LRRFIP2: variants seen among roughly 807,000 people sequenced by gnomAD.
LRRFIP2 encodes the protein leucine-rich repeat flightless-interacting protein 2.
In LRRFIP2, 109 loss-of-function variants were observed where a neutral mutation model predicts 125.9. The ratio of observed to expected loss-of-function variants is 0.87; its 90% confidence interval spans 0.74 to 1.01. LRRFIP2 has a LOEUF of 1.01. Among genes scored for constraint, LRRFIP2 ranks in the 50% least tolerant of loss-of-function variants. The pLI, the probability that LRRFIP2 is intolerant of heterozygous loss-of-function variation, is 0.00. For missense variants in LRRFIP2, 850 were observed against 862.3 expected (o/e 0.99, Z 0.18); for synonymous variants, 291 against 293.1 (o/e 0.99, Z 0.07).
intron 2 of LRRFIP2, among the ~76,000 whole-genome samples, chr3:37,129,726 C>T (rs891099968): frequency 6.6e-6 from 1 of 152,202 alleles, no homozygotes; most frequent in African/African-American, 2.4e-5. Flanking sequence ...GATGCAGTGG[C>T]TCAGGCCTGT....
Position 37,053,743 on chromosome 3 carries a change from A to C in LRRFIP2, c.*108T>G. ...TATAAAATACAAAGGTGGCTGTTTT[A>C]ATGACAAAACTCAAAACAGTACTAA... On this transcript the variant is annotated 3_prime_UTR_variant, in exon 28 of 28. Coordinates refer to ENST00000336686, the MANE Select transcript of LRRFIP2 (RefSeq NM_006309.4). The C allele has an allele frequency of 1.5e-6, 1 of 689,002 alleles. No individual in the cohort carries two copies. The highest frequency in any genetic ancestry group is 2.6e-6 in the Non-Finnish European group (1 of 381,518). The allele number at this position is 689,002 out of a possible 1,614,324, so 42.7% of individuals were successfully genotyped here.
intron 1 of LRRFIP2, among the ~76,000 whole-genome samples, chr3:37,162,635 C>G (rs150776547): frequency 6.6e-6 from 1 of 152,100 alleles, no homozygotes; most frequent in Non-Finnish European, 1.5e-5. Flanking sequence ...AACTGAAAAA[C>G]CAACAGAGAG....
In LRRFIP2 at chr3:37,109,722, A is replaced by G. The variant is rs954693468; in HGVS notation, c.514-19T>C. On this transcript the variant is annotated intron_variant, in intron 9 of 27. Coordinates refer to ENST00000336686, the MANE Select transcript of LRRFIP2 (RefSeq NM_006309.4). ...AAGACTGCTAAGAGACAAAAACAAA[A>G]TAAATAAGCAAAAACAAAAACAAAG... 1.2e-6 allele frequency: 2 copies of G among 1,611,664 alleles called. No homozygotes were observed. Among genetic ancestry groups the G allele is most frequent in the Non-Finnish European group, 1.7e-6 (2 of 1,178,328 alleles).
At chr3:37,159,828 G>GA (rs111830518) in intron 1 of LRRFIP2, among the ~76,000 whole-genome samples, 2,273 of 104,252 alleles carry the variant, frequency 0.022, 46 homozygotes, top group African/African-American at 0.052. Flanking sequence ...ATTTCTGGAA[G>GA]AAAAAAAAAA....
intron 2 of LRRFIP2, among the ~76,000 whole-genome samples, chr3:37,141,532 T>G (rs759955189): frequency 4.1e-4 from 63 of 152,120 alleles, no homozygotes; most frequent in African/African-American, 1.4e-3. Context: ...ATATTAAACC[T>G]TTTTTTTGAA....
chr3:37,053,704 A>G lies in LRRFIP2; in HGVS notation c.*147T>C. On this transcript the variant is annotated 3_prime_UTR_variant, in exon 28 of 28. Transcript: ENST00000336686. ...ATTCATGTAGATTCAAAATGACTTC[A>G]TTCTGTCATAAATTATAAAATACAA... 4 of 610,230 alleles carry G rather than the reference A, an allele frequency of 6.6e-6. No homozygotes were observed. Among genetic ancestry groups the G allele is most frequent in the Non-Finnish European group, 1.2e-5 (4 of 336,230 alleles). The allele number at this position is 610,230 out of a possible 1,614,324, so 37.8% of individuals were successfully genotyped here.
At chr3:37,085,170 T>C (rs2092950210) in intron 18 of LRRFIP2, among the ~76,000 whole-genome samples, 1 of 152,022 alleles carries the variant, frequency 6.6e-6, no homozygotes, top group Non-Finnish European at 1.5e-5. Flanking sequence ...TATGGACAAA[T>C]CTTCATGAAG....
At chr3:37,122,826 T>C (rs2095110756) in intron 4 of LRRFIP2, among the ~76,000 whole-genome samples, 1 of 152,220 alleles carries the variant, frequency 6.6e-6, no homozygotes, top group South Asian at 2.1e-4. Context: ...ATTTAGCTAT[T>C]AGCAATGGAG....
chr3:37,083,517 G>T, intron 19 of LRRFIP2, 119 bp downstream of exon 19: 2 of 653,336 alleles, frequency 3.1e-6, no homozygotes, highest in Non-Finnish European at 4.9e-6. Context: ...CAATTTCCTT[G>T]GGCCATTCAG....
chr3:37,128,796 G>A (rs1348561095), intron 3 of LRRFIP2, among the ~76,000 whole-genome samples: 1 of 152,094 alleles, frequency 6.6e-6, no homozygotes, highest in Non-Finnish European at 1.5e-5. Context: ...CATTGCTAAA[G>A]CTACCTTAGC....
chr3:37,105,343 G>A, intron 14 of LRRFIP2, 112 bp downstream of exon 14: 1 of 852,848 alleles, frequency 1.2e-6, no homozygotes, highest in Non-Finnish European at 1.9e-6. Flanking sequence ...TAAATTTGAG[G>A]AAAATGCTCT....
At chr3:37,058,746 CAGTCTAT>C in intron 25 of LRRFIP2, 37 bp downstream of exon 25, 1 of 1,591,288 alleles carries the variant, frequency 6.3e-7, no homozygotes, top group Non-Finnish European at 8.6e-7. Flanking sequence ...CCCTGGGACA[CAGTCTAT>C]ATACAGACTG....
intron 2 of LRRFIP2, chr3:37,134,900 T>C (rs889496142): frequency 7.5e-6 from 10 of 1,332,272 alleles, no homozygotes; most frequent in African/African-American, 1.4e-5. Context: ...TTAACAGTAA[T>C]GGCAGCATTT....
intron 1 of LRRFIP2, among the ~76,000 whole-genome samples, chr3:37,165,817 G>GAA (rs2096470897): frequency 1.2e-5 from 1 of 84,702 alleles, no homozygotes. Flanking sequence ...AAGAAAGAAA[G>GAA]AAAGAAAGAA....
chr3:37,131,223 A>G (rs1245107642), intron 2 of LRRFIP2, among the ~76,000 whole-genome samples: 2 of 151,870 alleles, frequency 1.3e-5, no homozygotes, highest in African/African-American at 4.8e-5. Flanking sequence ...CCTGGACTCT[A>G]TTGTGTTCTG....
At chr3:37,125,404 G>A (rs1234023729) in intron 4 of LRRFIP2, among the ~76,000 whole-genome samples, 1 of 152,154 alleles carries the variant, frequency 6.6e-6, no homozygotes, top group East Asian at 1.9e-4. Context: ...ACTAATGGGA[G>A]GCCCAGGAAG....
intron 2 of LRRFIP2, among the ~76,000 whole-genome samples, chr3:37,146,459 C>T (rs62244272): frequency 0.022 from 3,392 of 152,202 alleles, 48 homozygotes; most frequent in Non-Finnish European, 0.036. Context: ...TGCTCTCCCT[C>T]ACCCCACTGT....
At chr3:37,116,635 C>T (rs1235554598) in intron 6 of LRRFIP2, among the ~76,000 whole-genome samples, 2 of 152,004 alleles carry the variant, frequency 1.3e-5, no homozygotes, top group Non-Finnish European at 2.9e-5. Context: ...TTGTAGAGAT[C>T]ACAATTTTTA....
intron 2 of LRRFIP2, among the ~76,000 whole-genome samples, chr3:37,136,349 C>T (rs1243459656): frequency 6.6e-6 from 1 of 152,044 alleles, no homozygotes. Flanking sequence ...AAATGTTATG[C>T]AATTAGGTAG....
Sources: allele counts gnomAD v4.1 joint callset (sites outside exome capture counted in the v4.1 genomes callset), GRCh38; gene constraint gnomAD v4.1.1; transcripts MANE v1.5; gene names NCBI Gene and HGNC (gene_info 2026-07-23, HGNC 2026-07-21).